Variants in CD200R1 observed in about 807,000 individuals in gnomAD.
The protein encoded by CD200R1 is CD200 receptor 1.
In CD200R1, 30 loss-of-function variants were observed where a neutral mutation model predicts 38.1. The observed-to-expected ratio is 0.79, with a 90% CI of 0.59 to 1.07. The LOEUF is 1.07. CD200R1 is among the 50% of genes least tolerant of loss of function. The pLI, the probability that CD200R1 is intolerant of heterozygous loss-of-function variation, is 0.00. For synonymous variants in CD200R1, 128 were observed against 152.1 expected (o/e 0.84, Z 1.16); for missense variants, 372 against 415.4 (o/e 0.90, Z 0.91).
At chr3:112,937,286 T>C (rs2107313701) in intron 2 of CD200R1, among the ~76,000 whole-genome samples, 1 of 152,228 alleles carries the variant, frequency 6.6e-6, no homozygotes, top group Middle Eastern at 3.4e-3. Context: ...ATGATTAAAT[T>C]ACCTCCCAGC....
At chr3:112,952,637 G>A (rs548043308) in intron 1 of CD200R1, among the ~76,000 whole-genome samples, 2 of 152,136 alleles carry the variant, frequency 1.3e-5, no homozygotes, top group African/African-American at 4.8e-5. Flanking sequence ...GGCCTGTTGT[G>A]GGGTGGGAGG....
chr3:112,947,121 T>C (rs6438120), intron 2 of CD200R1, among the ~76,000 whole-genome samples: 94,826 of 151,934 alleles, frequency 0.62, 30,338 homozygotes, highest in African/African-American at 0.77. Context: ...CTGGGGTTAG[T>C]GGGCAGGGAA....
At chr3:112,957,602 A>C (rs1178109423) in intron 1 of CD200R1, among the ~76,000 whole-genome samples, 1 of 152,230 alleles carries the variant, frequency 6.6e-6, no homozygotes, top group Non-Finnish European at 1.5e-5. Flanking sequence ...TTATTGGGAC[A>C]TAAGTAGAAC....
intron 1 of CD200R1, among the ~76,000 whole-genome samples, chr3:112,963,577 G>A (rs1390579048): frequency 6.6e-6 from 1 of 152,076 alleles, no homozygotes; most frequent in East Asian, 1.9e-4. Flanking sequence ...GATGATTTAG[G>A]GTATCTGGTA....
rs368914981 is a variant in CD200R1, at chr3:112,929,115, A to G, written c.521-51T>C. On this transcript the variant is annotated intron_variant, in intron 4 of 7. Coordinates refer to ENST00000308611, the MANE Select transcript of CD200R1 (RefSeq NM_138806.4). ...ATGCTTCGGTTTTCACATAAAGCAT[A>G]TGGAATTCAGAGAGACATTTGTTTC... 1.9e-6 allele frequency: 3 copies of G among 1,612,350 alleles called. No homozygotes were observed. The African/African-American group carries it at 4.0e-5, about 22-fold the overall frequency.
At position 112,929,466 on chromosome 3, in the gene CD200R1, G is replaced by A. The variant is rs765727299; in HGVS notation, c.244C>T (p.Leu82Phe). Residue 82 changes from leucine (L) to phenylalanine (F), a missense_variant, in exon 4 of 8, where the codon CTT becomes TTT. Leu to Phe is a conservative substitution (Grantham distance 22, BLOSUM62 0). Transcript: ENST00000308611. ...CTTAATGCGATAGGAGGGCAACAAA[G>A]CACAGCATTTGTAGCCATCTTTACA... ...WPVKMATNAV[L>F]CCPPIALRNL... is the part of the protein sequence containing the mutation. The A allele has an allele frequency of 1.5e-5, 24 of 1,613,646 alleles. No homozygotes were observed. In the Admixed American group the frequency reaches 3.3e-4, roughly 22 times the overall value.
rs975661034 is a variant in CD200R1 at position 112,922,498 on chromosome 3, G to T, written c.*1179C>A. On this transcript the variant is annotated 3_prime_UTR_variant, in exon 8 of 8. Coordinates refer to ENST00000308611, the MANE Select transcript of CD200R1 (RefSeq NM_138806.4). ...ATGGTGCATTTTTCGCCACTTATAT[G>T]GTCAATAGACATTAATTATTCAATA... The T allele has an allele frequency of 1.3e-5, 2 of 151,584 alleles. No homozygotes were observed. Among genetic ancestry groups the T allele is most frequent in the Non-Finnish European group, 2.9e-5 (2 of 67,822 alleles). 9.4% of individuals were successfully genotyped at this position (151,584 alleles called of 1,614,324 possible). A position where few individuals can be genotyped will look rare whatever the true frequency, so the allele number is the denominator to read the frequency against.
Position 112,929,319 on chromosome 3 carries a change from C to A in CD200R1, c.391G>T (p.Val131Phe), listed in dbSNP as rs1171813403. 1.2e-6 allele frequency: 2 copies of A among 1,614,076 alleles called. No homozygotes were observed. The highest frequency in any genetic ancestry group is 4.5e-5 in the East Asian group (2 of 44,886). ...TNCTDERITW[V>F]SRPDQNSDLQ... ...TCCGAATTCTGATCAGGTCTGGAGACCCAGGTTATTCTCTCATCAGTACAG... is the reference window on the plus strand; with the variant it reads ...TCCGAATTCTGATCAGGTCTGGAGAACCAGGTTATTCTCTCATCAGTACAG... The change falls in exon 4 of 8, where the codon GTC becomes TTC. Residue 131 changes from valine to phenylalanine, a missense_variant. Val to Phe is a conservative substitution (Grantham distance 50). Coordinates refer to ENST00000308611, the MANE Select transcript of CD200R1 (RefSeq NM_138806.4).
intron 1 of CD200R1, among the ~76,000 whole-genome samples, chr3:112,961,957 G>T (rs976448952): frequency 3.3e-5 from 5 of 152,066 alleles, no homozygotes; most frequent in African/African-American, 1.2e-4. Flanking sequence ...ATACAGATGG[G>T]TTATAAAAAG....
Position 112,923,721 on chromosome 3 carries a change from C to G in CD200R1, c.1003G>C (p.Glu335Gln), listed in dbSNP as rs9865242. The change falls in exon 8 of 8, where the codon GAG becomes CAG. Residue 335 changes from glutamate to glutamine, a missense_variant. Coordinates refer to ENST00000308611, the MANE Select transcript of CD200R1 (RefSeq NM_138806.4). ...GTGTCAACTTCACTTTGTAATGCCTCAGATGCCTTCACCTTGTTTGTAGTA... is the reference window on the plus strand; with the variant it reads ...GTGTCAACTTCACTTTGTAATGCCTGAGATGCCTTCACCTTGTTTGTAGTA... ...YDTTNKVKAS[E>Q]ALQSEVDTDL... The G allele has an allele frequency of 0.55, 882,770 of 1,600,508 alleles. 246,599 individuals are homozygous for G. The highest frequency in any genetic ancestry group is 0.7 in the East Asian group (30,867 of 44,236).
At chr3:112,929,779 T>C (rs1449767619) in intron 3 of CD200R1, among the ~76,000 whole-genome samples, 2 of 152,098 alleles carry the variant, frequency 1.3e-5, no homozygotes, top group Non-Finnish European at 2.9e-5. Flanking sequence ...AGTTTTAATA[T>C]CTAGAAACAA....
chr3:112,948,599 G>T (rs970969353), intron 1 of CD200R1, among the ~76,000 whole-genome samples: 7 of 152,154 alleles, frequency 4.6e-5, no homozygotes, highest in Non-Finnish European at 8.8e-5. Flanking sequence ...CTGACAAGAG[G>T]TGGAGCTCAG....
At chr3:112,946,090 TACAG>T (rs1940854000) in intron 2 of CD200R1, among the ~76,000 whole-genome samples, 1 of 112,016 alleles carries the variant, frequency 8.9e-6, no homozygotes. Flanking sequence ...AAAAAAAAAA[TACAG>T]TCATCCCTTG....
At chr3:112,958,018 C>A (rs1941140878) in intron 1 of CD200R1, among the ~76,000 whole-genome samples, 1 of 151,946 alleles carries the variant, frequency 6.6e-6, no homozygotes, top group Non-Finnish European at 1.5e-5. Flanking sequence ...GAAATTAAAA[C>A]TCTCATACAT....
At chr3:112,965,592 C>T (rs184093802) in intron 1 of CD200R1, among the ~76,000 whole-genome samples, 13 of 152,188 alleles carry the variant, frequency 8.5e-5, no homozygotes, top group Non-Finnish European at 1.5e-4. Flanking sequence ...GAAACTCCGT[C>T]TCTACTAAAA....
intron 1 of CD200R1, among the ~76,000 whole-genome samples, chr3:112,969,243 T>C (rs375998043): frequency 7.3e-4 from 111 of 152,204 alleles, no homozygotes; most frequent in African/African-American, 2.5e-3. Flanking sequence ...GTCAGTGAAC[T>C]TGAATATATA....
chr3:112,967,559 A>T (rs1933199263), intron 1 of CD200R1, among the ~76,000 whole-genome samples: 1 of 152,224 alleles, frequency 6.6e-6, no homozygotes, highest in Non-Finnish European at 1.5e-5. Context: ...TTTAAATTCC[A>T]TGAGAGCAGG....
intron 2 of CD200R1, among the ~76,000 whole-genome samples, chr3:112,940,133 T>C (rs1218794657): frequency 6.6e-6 from 1 of 151,928 alleles, no homozygotes; most frequent in Non-Finnish European, 1.5e-5. Flanking sequence ...AGAATGAAAC[T>C]AGACCTCCTG....
At chr3:112,944,712 T>C (rs1033155217) in intron 2 of CD200R1, among the ~76,000 whole-genome samples, 4 of 152,194 alleles carry the variant, frequency 2.6e-5, no homozygotes, top group Non-Finnish European at 1.5e-5. Flanking sequence ...TCTTTGTTCA[T>C]ACATGACATA....
Sources: gnomAD v4.1 joint callset for allele counts (sites outside exome capture counted in the v4.1 genomes callset) on GRCh38, gnomAD v4.1.1 for gene constraint, MANE v1.5 for transcripts, NCBI Gene and HGNC (gene_info 2026-07-23, HGNC 2026-07-21) for gene names.